The following CERS6 variants were observed in gnomAD, a reference collection of about 807,000 sequenced individuals.
The protein encoded by CERS6 is ceramide synthase 6, also known as LAG1 homolog, ceramide synthase 6.
CERS6 carries 26 observed loss-of-function variants against 56.8 expected under a neutral mutation model. The ratio of observed to expected loss-of-function variants is 0.46; its 90% confidence interval spans 0.34 to 0.63. CERS6 has a LOEUF of 0.63. Among genes scored for constraint, CERS6 ranks in the 30% least tolerant of loss-of-function variants. The probability of loss-of-function intolerance (pLI) is 0.01; values close to 1 mark genes in which losing one functional copy is unlikely to be tolerated. For synonymous variants in CERS6, 164 were observed against 173.3 expected (o/e 0.95, Z 0.42); for missense variants, 415 against 467.5 (o/e 0.89, Z 1.04).
At chr2:168,714,219 C>T (rs1687170778) in intron 6 of CERS6, among the ~76,000 whole-genome samples, 1 of 152,130 alleles carries the variant, frequency 6.6e-6, no homozygotes. Context: ...TCCCAAATAC[C>T]CCACCTCCTA....
chr2:168,668,074 G>A (rs979775333), intron 4 of CERS6, among the ~76,000 whole-genome samples: 2 of 152,196 alleles, frequency 1.3e-5, no homozygotes, highest in Admixed American at 6.5e-5. Context: ...TAAGGAGCCC[G>A]GGCTTTATTG....
At chr2:168,700,077 A>G (rs752191451) in intron 6 of CERS6, among the ~76,000 whole-genome samples, 5 of 152,218 alleles carry the variant, frequency 3.3e-5, no homozygotes, top group Non-Finnish European at 5.9e-5. Flanking sequence ...GGTGAAATCA[A>G]CTTGTTGCCC....
At chr2:168,575,185 A>C (rs1451778299) in intron 3 of CERS6, among the ~76,000 whole-genome samples, 1 of 152,230 alleles carries the variant, frequency 6.6e-6, no homozygotes, top group Non-Finnish European at 1.5e-5. Context: ...CCTTGAATTT[A>C]AAATGGGGCC....
rs537377911 is a variant in CERS6, at chr2:168,526,979, A to G, written c.171-20617A>G. On this transcript the variant is annotated intron_variant, in intron 1 of 9. Coordinates refer to ENST00000305747, the MANE Select transcript of CERS6 (RefSeq NM_203463.3). The stretch of plus-strand genomic sequence containing the variant: ...AACACTCTGTGCTGGTTATTAAGCC[A>G]TTATCTCTTGGCTCCAAATCCACCC... Among the ~76,000 whole-genome samples the G allele has an allele frequency of 7.2e-5, 11 of 152,212 alleles. No homozygotes were observed. In the East Asian group the frequency reaches 1.5e-3, roughly 21 times the overall value.
chr2:168,580,094 A>G (rs1455101920), intron 3 of CERS6, among the ~76,000 whole-genome samples: 1 of 152,190 alleles, frequency 6.6e-6, no homozygotes, highest in Non-Finnish European at 1.5e-5. Context: ...AGTTTTGCCT[A>G]TTTAAAAACC....
At chr2:168,632,526 G>T (rs938453164) in intron 4 of CERS6, among the ~76,000 whole-genome samples, 3 of 152,090 alleles carry the variant, frequency 2.0e-5, no homozygotes, top group African/African-American at 4.8e-5. Context: ...TGGCCCAGAG[G>T]CCATTTGAAT....
intron 3 of CERS6, among the ~76,000 whole-genome samples, chr2:168,585,052 G>A (rs1027112106): frequency 1.3e-5 from 2 of 152,374 alleles, no homozygotes; most frequent in African/African-American, 2.4e-5. Flanking sequence ...CATATTTGCT[G>A]AGCTATAACA....
Position 168,547,664 on chromosome 2 carries a change from A to T in CERS6, c.239A>T (p.Asn80Ile). 1 of 1,613,772 alleles carries T rather than the reference A, an allele frequency of 6.2e-7. No individual in the cohort carries two copies. Among genetic ancestry groups the T allele is most frequent in the Non-Finnish European group, 8.5e-7 (1 of 1,179,618 alleles). ...QANGPQIAPP[N>I]AILEKVFTAI... ...AATGGACCACAAATTGCTCCGCCCA[A>T]TGCCATTCTGGAAAAGGTCTTCACT... The change falls in exon 2 of 10, where the codon AAT becomes ATT. Residue 80 changes from asparagine to isoleucine, a missense_variant. Asn to Ile is a moderately radical substitution (Grantham distance 149). Transcript: ENST00000305747.
At chr2:168,562,776 A>G (rs1695814877) in intron 3 of CERS6, among the ~76,000 whole-genome samples, 1 of 152,198 alleles carries the variant, frequency 6.6e-6, no homozygotes, top group Admixed American at 6.5e-5. Context: ...TGTATCTCCA[A>G]CCTGGTGGAT....
At chr2:168,673,766 C>T (rs947640429) in intron 4 of CERS6, among the ~76,000 whole-genome samples, 2 of 152,204 alleles carry the variant, frequency 1.3e-5, no homozygotes, top group African/African-American at 4.8e-5. Flanking sequence ...CTGGATTCCT[C>T]TGCCATTCAT....
In CERS6 at chr2:168,631,048, ATC is replaced by A; in HGVS notation, c.465+11_465+12del. 2.7e-6 allele frequency: 4 copies of A among 1,455,192 alleles called. No individual in the cohort carries two copies. The Admixed American group carries it at 7.4e-5, about 27-fold the overall frequency. The allele number at this position is 1,455,192 out of a possible 1,614,324, so 90.1% of individuals were successfully genotyped here. On this transcript the variant is annotated splice_region_variant and intron_variant, in intron 4 of 9. Transcript: ENST00000305747. ...GAGTCAGATTCCTGAAAAAGGTAGGATCTCTCAAACTATTTTACATGATTCTT... is the reference window on the plus strand; with the variant it reads ...GAGTCAGATTCCTGAAAAAGGTAGGATCTCAAACTATTTTACATGATTCTT...
chr2:168,712,648 A>G lies in CERS6; in HGVS notation c.610-2353A>G, dbSNP rs182020072. ...ATATCTTTTTAAATAGTGGTAATAG[A>G]TAAGAAGAAGCTACTAATTTTTACA... is the stretch of plus-strand genomic sequence containing the variant. On this transcript the variant is annotated intron_variant, in intron 6 of 9. Coordinates refer to ENST00000305747, the MANE Select transcript of CERS6 (RefSeq NM_203463.3). Among the ~76,000 whole-genome samples, 45 of 152,328 alleles carry G rather than the reference A, an allele frequency of 3.0e-4. 1 individual carries two copies. The highest frequency in any genetic ancestry group is 2.9e-3 in the Admixed American group (45 of 15,302).
chr2:168,490,987 C>T (rs1285915405), intron 1 of CERS6, among the ~76,000 whole-genome samples: 2 of 152,100 alleles, frequency 1.3e-5, no homozygotes, highest in Non-Finnish European at 2.9e-5. Flanking sequence ...TGTATTCATA[C>T]TTTGGGGAGG....
chr2:168,667,967 C>G (rs889751180), intron 4 of CERS6, among the ~76,000 whole-genome samples: 1 of 152,084 alleles, frequency 6.6e-6, no homozygotes, highest in Non-Finnish European at 1.5e-5. Context: ...TTTGGTGGGG[C>G]CTTGTAGGCA....
intron 1 of CERS6, among the ~76,000 whole-genome samples, chr2:168,500,150 A>G (rs565733546): frequency 8.5e-5 from 13 of 152,308 alleles, no homozygotes; most frequent in African/African-American, 2.9e-4. Context: ...TTCTCTCACA[A>G]GCTTTCCAAA....
At chr2:168,472,905 C>T (rs1694003426) in intron 1 of CERS6, among the ~76,000 whole-genome samples, 1 of 152,072 alleles carries the variant, frequency 6.6e-6, no homozygotes, top group African/African-American at 2.4e-5. Flanking sequence ...TTGAAAAAAC[C>T]AGATATTTTG....
intron 3 of CERS6, among the ~76,000 whole-genome samples, chr2:168,573,361 A>G (rs1696025753): frequency 6.6e-6 from 1 of 152,210 alleles, no homozygotes; most frequent in Admixed American, 6.5e-5. Flanking sequence ...CCAGATTTGA[A>G]ATCAACAAAT....
chr2:168,683,801 T>C lies in CERS6; in HGVS notation c.466-7233T>C, dbSNP rs1209093233. Among the ~76,000 whole-genome samples the C allele has an allele frequency of 2.0e-5, 3 of 152,154 alleles. 1 individual carries two copies. The highest frequency in any genetic ancestry group is 7.2e-5 in the African/African-American group (3 of 41,416). On this transcript the variant is annotated intron_variant, in intron 4 of 9. Transcript: ENST00000305747. ...TCTTTCAAGCGCCATATCCCCAGAC[T>C]CTTGAGAATCACAGCGTTCTTACCC...
intron 6 of CERS6, among the ~76,000 whole-genome samples, chr2:168,702,223 T>C (rs1686822937): frequency 6.6e-6 from 1 of 152,220 alleles, no homozygotes. Context: ...TGAAAAAGAA[T>C]ATTGTGTGTG....
Sources: gnomAD v4.1 joint callset for allele counts (sites outside exome capture counted in the v4.1 genomes callset) on GRCh38, gnomAD v4.1.1 for gene constraint, MANE v1.5 for transcripts, NCBI Gene and HGNC (gene_info 2026-07-23, HGNC 2026-07-21) for gene names.